Variants in PHACTR1 observed in about 807,000 individuals in gnomAD.
PHACTR1 encodes RPEL repeat containing 1.
In PHACTR1, 16 loss-of-function variants were observed where a neutral mutation model predicts 69.2. That is an observed-to-expected ratio of 0.23 (90% CI 0.16 to 0.35). PHACTR1 has a LOEUF of 0.35. Ranked by LOEUF, PHACTR1 falls within the 10% of genes least tolerant of loss-of-function variation. PHACTR1 has a pLI of 1.00. For synonymous variants in PHACTR1, 312 were observed against 284.5 expected (o/e 1.10, Z -0.97); for missense variants, 510 against 734.7 (o/e 0.69, Z 3.54).
chr6:12,835,652 A>C (rs938268694), intron 4 of PHACTR1, among the ~76,000 whole-genome samples: 11 of 152,148 alleles, frequency 7.2e-5, no homozygotes, highest in Admixed American at 2.0e-4. Context: ...GATAGACTAA[A>C]TATTAATAAT....
intron 4 of PHACTR1, among the ~76,000 whole-genome samples, chr6:13,013,742 C>T: frequency 6.7e-6 from 1 of 150,204 alleles, no homozygotes; most frequent in Non-Finnish European, 1.5e-5. Flanking sequence ...CCTTTCGGCG[C>T]CCTCCCCGAC....
intron 4 of PHACTR1, among the ~76,000 whole-genome samples, chr6:12,758,862 C>G (rs918003700): frequency 6.6e-5 from 10 of 152,200 alleles, no homozygotes; most frequent in Admixed American, 6.5e-4. Flanking sequence ...GTGGCTCACG[C>G]CTGTGATCCT....
chr6:13,034,162 C>T lies in PHACTR1; in HGVS notation c.251-19203C>T, dbSNP rs56887704. On this transcript the variant is annotated intron_variant, in intron 4 of 14. Transcript: ENST00000332995. Reference sequence around the variant, plus strand: ...CCTCCCGAGTAGCTGGGACTACAGGCGCCCGCCACCACGCCTGGCTAATTT... The same window carrying T: ...CCTCCCGAGTAGCTGGGACTACAGGTGCCCGCCACCACGCCTGGCTAATTT... Among the ~76,000 whole-genome samples, 1,241 of 152,022 alleles carry T rather than the reference C, an allele frequency of 8.2e-3. 50 individuals are homozygous for T. In the South Asian group the frequency reaches 0.13, roughly 15 times the overall value.
chr6:13,199,165 A>G (rs1319420182), intron 7 of PHACTR1, among the ~76,000 whole-genome samples: 2 of 152,174 alleles, frequency 1.3e-5, no homozygotes, highest in Non-Finnish European at 2.9e-5. Flanking sequence ...AGGCAGGTGG[A>G]TCACGAGGTC....
intron 5 of PHACTR1, among the ~76,000 whole-genome samples, chr6:13,057,051 TTAGA>T (rs2127743163): frequency 6.6e-6 from 1 of 152,198 alleles, no homozygotes; most frequent in African/African-American, 2.4e-5. Context: ...AAAACTACAG[TTAGA>T]TAGAAGGAAT....
chr6:13,268,912 A>G (rs964912978), intron 10 of PHACTR1, among the ~76,000 whole-genome samples: 3 of 152,250 alleles, frequency 2.0e-5, no homozygotes, highest in African/African-American at 7.2e-5. Context: ...GTGTTTGACT[A>G]TAAAGCAGCC....
intron 4 of PHACTR1, among the ~76,000 whole-genome samples, chr6:12,779,433 TA>T (rs1287423275): frequency 1.3e-5 from 2 of 151,022 alleles, no homozygotes; most frequent in South Asian, 2.1e-4. Context: ...TTAGCTCAGT[TA>T]AACTTTTTCG....
chr6:12,772,094 T>C (rs1769458911), intron 4 of PHACTR1, among the ~76,000 whole-genome samples: 1 of 152,188 alleles, frequency 6.6e-6, no homozygotes, highest in Non-Finnish European at 1.5e-5. Flanking sequence ...GGACATTGGC[T>C]GTGAGTGAAA....
At chr6:13,191,564 C>T (rs1298677636) in intron 7 of PHACTR1, among the ~76,000 whole-genome samples, 1 of 152,174 alleles carries the variant, frequency 6.6e-6, no homozygotes, top group Non-Finnish European at 1.5e-5. Context: ...TACAAATGTT[C>T]TATAGTTGCC....
At chr6:13,025,578 G>C (rs927116484) in intron 4 of PHACTR1, among the ~76,000 whole-genome samples, 1 of 151,998 alleles carries the variant, frequency 6.6e-6, no homozygotes, top group African/African-American at 2.4e-5. Flanking sequence ...CATAATAGTG[G>C]ACATTATACC....
intron 4 of PHACTR1, among the ~76,000 whole-genome samples, chr6:12,772,968 CAGA>C (rs1769578970): frequency 6.6e-6 from 1 of 152,092 alleles, no homozygotes; most frequent in Non-Finnish European, 1.5e-5. Context: ...CTAGCAAATC[CAGA>C]AGGATTTCCA....
At chr6:13,202,798 A>G (rs1003241461) in intron 7 of PHACTR1, among the ~76,000 whole-genome samples, 5 of 152,242 alleles carry the variant, frequency 3.3e-5, no homozygotes, top group Non-Finnish European at 7.3e-5. Flanking sequence ...TCTAAGAGCT[A>G]TGTAAGTGGA....
At chr6:12,957,164 T>C (rs1233103985) in intron 4 of PHACTR1, among the ~76,000 whole-genome samples, 1 of 148,260 alleles carries the variant, frequency 6.7e-6, no homozygotes, top group Admixed American at 6.9e-5. Context: ...TAGAATTATA[T>C]AATGGAACTG....
In PHACTR1 at chr6:13,049,402, A is replaced by G. The variant is rs150193474; in HGVS notation, c.251-3963A>G. 1.8e-3 allele frequency among the ~76,000 whole-genome samples: 278 copies of G among 152,304 alleles called. 4 individuals carry two copies. The highest frequency in any genetic ancestry group is 6.5e-3 in the African/African-American group (270 of 41,570). ...GCAAACTCAGTATCAACCCTGAATA[A>G]TTACTATCTTGATTTTTTAAAGGAT... On this transcript the variant is annotated intron_variant, in intron 4 of 14. Coordinates refer to ENST00000332995, the MANE Select transcript of PHACTR1 (RefSeq NM_030948.6).
At chr6:13,050,001 A>G (rs1805673197) in intron 4 of PHACTR1, among the ~76,000 whole-genome samples, 1 of 152,226 alleles carries the variant, frequency 6.6e-6, no homozygotes, top group Non-Finnish European at 1.5e-5. Flanking sequence ...ATGAGGGGAA[A>G]GTGATGAGTA....
chr6:12,977,334 C>G (rs1049775864), intron 4 of PHACTR1, among the ~76,000 whole-genome samples: 4 of 151,828 alleles, frequency 2.6e-5, no homozygotes, highest in Non-Finnish European at 5.9e-5. Context: ...CTATATATTG[C>G]TGCTGTTCCT....
At chr6:12,729,901 G>C (rs745737433) in intron 3 of PHACTR1, among the ~76,000 whole-genome samples, 3 of 152,172 alleles carry the variant, frequency 2.0e-5, no homozygotes, top group Admixed American at 2.0e-4. Context: ...GAGTGAGAGA[G>C]AGGTTCTTTG....
rs9381398 is a variant in PHACTR1, at chr6:12,798,103, G to C, written c.250+48313G>C. 0.015 allele frequency among the ~76,000 whole-genome samples: 2,211 copies of C among 143,242 alleles called. 98 individuals are homozygous for C. In the East Asian group the frequency reaches 0.18, roughly 12 times the overall value. 94.0% of individuals were successfully genotyped at this position (143,242 alleles called of 152,430 possible). On this transcript the variant is annotated intron_variant, in intron 4 of 14. Coordinates refer to ENST00000332995, the MANE Select transcript of PHACTR1 (RefSeq NM_030948.6). ...AAGCTCTATAAGGGGAGGGACTTTG[G>C]TTAATTACTGTATCTTCAGTGTCTG...
At chr6:13,228,101 C>T in intron 9 of PHACTR1, 38 bp downstream of exon 9, 1 of 1,584,348 alleles carries the variant, frequency 6.3e-7, no homozygotes, top group Non-Finnish European at 8.5e-7. Context: ...GGTGGGGAAG[C>T]ATGCTATTGT....
Sources: gnomAD v4.1 joint callset for allele counts (sites outside exome capture counted in the v4.1 genomes callset) on GRCh38, gnomAD v4.1.1 for gene constraint, MANE v1.5 for transcripts, NCBI Gene and HGNC (gene_info 2026-07-23, HGNC 2026-07-21) for gene names.